UBR4: variants seen among roughly 807,000 people sequenced by gnomAD.
UBR4 encodes ubiquitin protein ligase E3 component n-recognin 4.
A neutral mutation model predicts 575.6 loss-of-function variants in UBR4; 124 were observed. The observed-to-expected ratio is 0.22, with a 90% CI of 0.19 to 0.25. The LOEUF is 0.25. Among genes scored for constraint, UBR4 ranks in the 10% least tolerant of loss-of-function variants. The pLI, the probability that UBR4 is intolerant of heterozygous loss-of-function variation, is 1.00. For synonymous variants in UBR4, 2,455 were observed against 2,473.7 expected, an observed-to-expected ratio of 0.99 and a Z score of 0.22; for missense variants, 4,818 against 6,478.8, an observed-to-expected ratio of 0.74 and a Z score of 8.80.
intron 21 of UBR4, 67 bp downstream of exon 21, chr1:19,174,887 C>T: frequency 6.9e-7 from 1 of 1,442,604 alleles, no homozygotes; most frequent in Non-Finnish European, 9.7e-7. Flanking sequence ...CCTTTCCCCC[C>T]AGTAGGCTGA....
chr1:19,205,313 A>T (rs1049771079), intron 1 of UBR4, among the ~76,000 whole-genome samples: 3 of 152,212 alleles, frequency 2.0e-5, no homozygotes, highest in Admixed American at 2.0e-4. Context: ...ATGGAATCTG[A>T]GGAGGGGCAT....
rs764802072 is a variant in UBR4, at chr1:19,148,042, C to T, written c.7580G>A (p.Ser2527Asn). 3.3e-5 allele frequency: 53 copies of T among 1,612,528 alleles called. 1 individual carries two copies. In the East Asian group the frequency reaches 1.1e-3, roughly 33 times the overall value. Residue 2527 changes from serine to asparagine, a missense_variant, in exon 51 of 106, where the codon AGC (serine) becomes AAC (asparagine). Around this residue, in one of 29 missense-constraint regions of UBR4, gnomAD observed 340 missense variants for 375.4 expected, o/e 0.91. Coordinates refer to ENST00000375254, the MANE Select transcript of UBR4 (RefSeq NM_020765.3). ...APASVQQQSK[S>N]LLASLHTSRS... ...GCTGGTGTGCAGGCTGGCCAGAAGGCTCTTGGACTGCTGCTGGACACTGGC... is the reference window on the plus strand; with the variant it reads ...GCTGGTGTGCAGGCTGGCCAGAAGGTTCTTGGACTGCTGCTGGACACTGGC...
intron 74 of UBR4, 119 bp downstream of exon 74, chr1:19,115,279 C>G: frequency 1.4e-6 from 2 of 1,431,606 alleles, no homozygotes; most frequent in Non-Finnish European, 1.9e-6. Flanking sequence ...CTCTACAAAC[C>G]CATAATTCTC....
intron 22 of UBR4, among the ~76,000 whole-genome samples, chr1:19,173,942 G>T (rs886903477): frequency 6.6e-5 from 10 of 152,208 alleles, no homozygotes; most frequent in Non-Finnish European, 1.3e-4. Context: ...TAGCAGACCT[G>T]CAATCAGCTA....
chr1:19,117,808 AC>A lies in UBR4; in HGVS notation c.10629+14del. On this transcript the variant is annotated intron_variant, in intron 72 of 105. Transcript: ENST00000375254. The surrounding 1 kb of genome is among the most constrained non-coding windows in gnomAD (Gnocchi z 4.0). ...CTATTGGCCTCAGGACTGTCCATGTACAGATGTTACTTACACAGAACGGTAC... is the reference window on the plus strand; with the variant it reads ...CTATTGGCCTCAGGACTGTCCATGTAAGATGTTACTTACACAGAACGGTAC... 1 of 1,613,130 alleles carries A rather than the reference AC, an allele frequency of 6.2e-7. No homozygotes were observed. The highest frequency in any genetic ancestry group is 8.5e-7 in the Non-Finnish European group (1 of 1,179,042).
chr1:19,092,588 C>T (rs887444632), intron 97 of UBR4: 1 of 446,230 alleles, frequency 2.2e-6, no homozygotes, highest in African/African-American at 2.0e-5. Flanking sequence ...CACAGTTCAA[C>T]AGTTGCACAG....
Position 19,199,752 on chromosome 1 carries a change from G to C in UBR4, c.277C>G (p.Pro93Ala). 2 of 1,613,954 alleles carry C rather than the reference G, an allele frequency of 1.2e-6. No homozygotes were observed. Residue 93 changes from proline to alanine, a missense_variant and splice_region_variant, in exon 3 of 106, where the codon CCC becomes GCC. Coordinates refer to ENST00000375254, the MANE Select transcript of UBR4 (RefSeq NM_020765.3). ...GCCACTGACTGAAGTTGGTTCCGGGGAACTGAGAAAGTAATAAACATTACT... is the reference window on the plus strand; with the variant it reads ...GCCACTGACTGAAGTTGGTTCCGGGCAACTGAGAAAGTAATAAACATTACT... Reference protein sequence around the residue: ...HYITTVCSLIPRNQLQSVAAA... With the variant: ...HYITTVCSLIARNQLQSVAAA...
chr1:19,105,807 C>T lies in UBR4; in HGVS notation c.12429G>A (p.Gln4143=). 1 of 1,610,170 alleles carries T rather than the reference C, an allele frequency of 6.2e-7. No homozygotes were observed. Among genetic ancestry groups the T allele is most frequent in the Non-Finnish European group, 8.5e-7 (1 of 1,178,890 alleles). The part of the protein sequence containing the change: ...LFTPATQAAR[Q]AACTIVEALA... ...GAGCTTCCACAATGGTACAGGCTGC[C>T]TGCCGTGCGGCCTGCGTTGCTGGAG... The change falls in exon 84 of 106, where the codon CAG becomes CAA. Residue 4143 remains glutamine, a synonymous_variant. Coordinates refer to ENST00000375254, the MANE Select transcript of UBR4 (RefSeq NM_020765.3).
At chr1:19,156,715 A>G (rs10799710) in intron 41 of UBR4, 52 bp downstream of exon 41, 741,459 of 1,571,452 alleles carry the variant, frequency 0.47, 179,438 homozygotes, top group East Asian at 0.82. Flanking sequence ...GGGGAGAGAA[A>G]ATGACTAGAA....
At position 19,176,768 on chromosome 1, in the gene UBR4, T is replaced by C. The variant is rs370062635; in HGVS notation, c.2638-41A>G. On this transcript the variant is annotated intron_variant, in intron 19 of 105. Coordinates refer to ENST00000375254, the MANE Select transcript of UBR4 (RefSeq NM_020765.3). ...TACTGAAATTAAGAAAGATACACAG[T>C]CACCATTCAGCTTTTCACTCAGGCA... 52 of 1,604,120 alleles carry C rather than the reference T, an allele frequency of 3.2e-5. No individual in the cohort carries two copies. In the African/African-American group the frequency reaches 6.7e-4, roughly 21 times the overall value.
rs1570683779 is a variant in UBR4 at position 19,117,440 on chromosome 1, G to C, written c.10630-26C>G. 1.2e-6 allele frequency: 2 copies of C among 1,610,992 alleles called. No individual in the cohort carries two copies. The highest frequency in any genetic ancestry group is 4.5e-5 in the East Asian group (2 of 44,822). ...CTAAATACAAGAGTTCACAAAACAT[G>C]GTATTAGTTCAAGACTCGTACTGCC... On this transcript the variant is annotated intron_variant, in intron 72 of 105. Transcript: ENST00000375254. This position sits in a 1 kb window ranked among gnomAD's most constrained non-coding sequence, Gnocchi z 4.0.
intron 60 of UBR4, among the ~76,000 whole-genome samples, chr1:19,132,243 G>A (rs550273299): frequency 4.6e-5 from 7 of 151,946 alleles, no homozygotes; most frequent in South Asian, 2.1e-4. Context: ...GTGCAGTGGC[G>A]TGATCTCGGC....
At position 19,143,968 on chromosome 1, in the gene UBR4, A is replaced by C; in HGVS notation, c.8179+12T>G. On this transcript the variant is annotated intron_variant, in intron 55 of 105. Coordinates refer to ENST00000375254, the MANE Select transcript of UBR4 (RefSeq NM_020765.3). The stretch of plus-strand genomic sequence containing the variant: ...AATACAGGCTTGAGCCTAAACCCAG[A>C]CCTCATATTACCCATTGGAGTGTTG... 6.2e-7 allele frequency: 1 copy of C among 1,611,368 alleles called. No homozygotes were observed. The highest frequency in any genetic ancestry group is 8.5e-7 in the Non-Finnish European group (1 of 1,177,812).
intron 60 of UBR4, among the ~76,000 whole-genome samples, chr1:19,133,424 G>T (rs1305356953): frequency 3.3e-5 from 5 of 152,116 alleles, no homozygotes; most frequent in Non-Finnish European, 7.4e-5. Flanking sequence ...AAAAACCCTT[G>T]TGCTAACATC....
Position 19,165,349 on chromosome 1 carries a change from A to C in UBR4, c.4212T>G (p.Ser1404Arg). ...CCATCATGATCTGTACAAGTTCTCC[A>C]CTGGGAGGCAAGATGGGAGAAAAAT... ...RKAMEEFFSD[S>R]GELVQIMMAT... The change falls in exon 31 of 106, where the codon AGT becomes AGG. Residue 1404 changes from serine (S) to arginine (R), a missense_variant and splice_region_variant. Ser to Arg is a moderately radical substitution (Grantham distance 110). Coordinates refer to ENST00000375254, the MANE Select transcript of UBR4 (RefSeq NM_020765.3). 2 of 1,610,492 alleles carry C rather than the reference A, an allele frequency of 1.2e-6. No individual in the cohort carries two copies. Among genetic ancestry groups the C allele is most frequent in the Admixed American group, 1.7e-5 (1 of 59,414 alleles).
At chr1:19,128,112 C>CCTTG in intron 62 of UBR4, 99 bp downstream of exon 62, 1 of 1,152,690 alleles carries the variant, frequency 8.7e-7, no homozygotes, top group South Asian at 1.3e-5. Flanking sequence ...GATGGTTACC[C>CCTTG]CTTGAAACGA....
intron 11 of UBR4, among the ~76,000 whole-genome samples, chr1:19,190,025 G>A (rs2091916991): frequency 6.6e-6 from 1 of 151,854 alleles, no homozygotes; most frequent in African/African-American, 2.4e-5. Context: ...ATTGGCTCAT[G>A]CCTGTAATCC....
intron 84 of UBR4, 100 bp from the exon 85 acceptor site, chr1:19,105,289 G>T: frequency 7.2e-7 from 1 of 1,388,052 alleles, no homozygotes; most frequent in Non-Finnish European, 9.7e-7. Context: ...ATCTTCTGCT[G>T]TCTGTCTCTC....
Position 19,152,532 on chromosome 1 carries a change from AC to A in UBR4, c.6833-57del. The A allele has an allele frequency of 6.2e-7, 1 of 1,603,654 alleles. No homozygotes were observed. On this transcript the variant is annotated intron_variant, in intron 46 of 105. Transcript: ENST00000375254. This position sits in a 1 kb window ranked among gnomAD's most constrained non-coding sequence, Gnocchi z 4.4. ...TCTCTCCCACCTCTGCCCCAACACC[AC>A]TGGTAAAGACTCCTCCCAGACAGAG... is the stretch of plus-strand genomic sequence containing the variant.
Sources: gnomAD v4.1 joint callset for allele counts (sites outside exome capture counted in the v4.1 genomes callset) on GRCh38, gnomAD v4.1.1 for gene constraint, gnomAD v4.1.1 regional missense constraint, Gnocchi (gnomAD v3.1) non-coding constraint, MANE v1.5 for transcripts, NCBI Gene and HGNC (gene_info 2026-07-23, HGNC 2026-07-21) for gene names.